The following NARF variants were observed in gnomAD, a reference collection of about 807,000 sequenced individuals.
The protein encoded by NARF is nuclear prelamin A recognition factor, also known as iron-only hydrogenase-like protein 2.
A neutral mutation model predicts 48.0 loss-of-function variants in NARF; 41 were observed. The ratio of observed to expected loss-of-function variants is 0.85; its 90% CI spans 0.66 to 1.11. The LOEUF (loss-of-function observed/expected upper bound fraction) is 1.11. Among genes scored for constraint, NARF ranks in the 50% least tolerant of loss-of-function variants. The probability of loss-of-function intolerance (pLI) is 0.00; values close to 1 mark genes in which losing one functional copy is unlikely to be tolerated. For missense variants in NARF, 613 were observed against 590.2 expected, an observed-to-expected ratio of 1.04 and a Z score of -0.40; for synonymous variants, 215 against 225.5, an observed-to-expected ratio of 0.95 and a Z score of 0.42.
chr17:82,487,957 C>T lies in NARF; in HGVS notation c.1171C>T (p.His391Tyr), dbSNP rs2044133368. 1 of 1,614,234 alleles carries T rather than the reference C, an allele frequency of 6.2e-7. No homozygotes were observed. Among genetic ancestry groups the T allele is most frequent in the African/African-American group, 1.3e-5 (1 of 75,066 alleles). ...AGGCCAAGCCCAGACTCCAGACGGA[C>T]ATGCGGATAAGGCCCTGCTGCGGCA... Reference protein sequence around the residue: ...GRGQAQTPDGHADKALLRQME... With the variant: ...GRGQAQTPDGYADKALLRQME... Residue 391 changes from histidine to tyrosine, a missense_variant, in exon 11 of 11, where the codon CAT (histidine) becomes TAT (tyrosine). His to Tyr is a moderately conservative substitution (Grantham distance 83). Coordinates refer to ENST00000309794, the MANE Select transcript of NARF (RefSeq NM_012336.4).
chr17:82,478,666 TG>T, intron 5 of NARF, 133 bp from the exon 6 acceptor site: 1 of 927,628 alleles, frequency 1.1e-6, no homozygotes, highest in Non-Finnish European at 1.7e-6. Flanking sequence ...CACGAGCTCC[TG>T]GTAAGGCCTG....
At chr17:82,466,297 A>G (rs1484932736) in intron 3 of NARF, among the ~76,000 whole-genome samples, 1 of 152,170 alleles carries the variant, frequency 6.6e-6, no homozygotes, top group Non-Finnish European at 1.5e-5. Context: ...CCCCCCTGAT[A>G]CATAGAGAAT....
At chr17:82,458,690 G>A, upstream of NARF, 2 of 1,351,868 alleles carry the variant, frequency 1.5e-6, no homozygotes, top group Non-Finnish European at 1.9e-6. Flanking sequence ...CGTTGGGGGT[G>A]AGGCCGCGTC....
chr17:82,487,882 G>T, intron 10 of NARF, 34 bp from the exon 11 acceptor site: 3 of 1,609,310 alleles, frequency 1.9e-6, no homozygotes, highest in Non-Finnish European at 2.6e-6. Context: ...GATCGCCTGA[G>T]CCCAGGATAA....
chr17:82,485,208 T>G (rs1599855948), intron 9 of NARF, among the ~76,000 whole-genome samples: 1 of 152,042 alleles, frequency 6.6e-6, no homozygotes, highest in Non-Finnish European at 1.5e-5. Flanking sequence ...GATCATGAGG[T>G]CAGGAGATCG....
intron 1 of NARF, 196 bp downstream of exon 1, chr17:82,459,026 T>A: frequency 3.3e-6 from 4 of 1,208,428 alleles, no homozygotes; most frequent in Non-Finnish European, 2.1e-6. Context: ...GCGGGTTCGG[T>A]CTTCGCGGTT....
rs2143979912 is a variant in NARF, at chr17:82,488,161, C to G, written c.*4C>G. The G allele has an allele frequency of 6.2e-7, 1 of 1,611,084 alleles. No homozygotes were observed. Among genetic ancestry groups the G allele is most frequent in the East Asian group, 2.2e-5 (1 of 44,796 alleles). The stretch of plus-strand genomic sequence containing the variant: ...CAGCCTGGACATCAAGTGGTGAAGT[C>G]AGGCCAGGGCCTTCCAGCTGCTCTT... On this transcript the variant is annotated 3_prime_UTR_variant, in exon 11 of 11. Coordinates refer to ENST00000309794, the MANE Select transcript of NARF (RefSeq NM_012336.4).
rs553950747 is a variant in NARF at position 82,472,416 on chromosome 17, G to A, written c.386-148G>A. 6.9e-5 allele frequency: 52 copies of A among 756,726 alleles called. 1 individual carries two copies. Among genetic ancestry groups the A allele is most frequent in the Middle Eastern group, 4.0e-4 (1 of 2,472 alleles). 46.9% of individuals were successfully genotyped at this position (756,726 alleles called of 1,614,324 possible). ...GGAGGATCACTTGAACCTGGGAGGC[G>A]GAGGTTGCAGTGAGCCGAGATTATG... On this transcript the variant is annotated intron_variant, in intron 4 of 10. Transcript: ENST00000309794.
At chr17:82,477,061 G>A (rs2043849350) in intron 5 of NARF, 1 of 152,160 alleles carries the variant, frequency 6.6e-6, no homozygotes, top group South Asian at 2.1e-4. Context: ...ATCTTACTTT[G>A]TTGCCCACGC....
At chr17:82,482,284 C>A in intron 7 of NARF, 1 of 416,834 alleles carries the variant, frequency 2.4e-6, no homozygotes, top group Non-Finnish European at 4.7e-6. Flanking sequence ...GGAAAGGTCC[C>A]CACCCCATAG....
chr17:82,478,680 GA>G, intron 5 of NARF, 119 bp from the exon 6 acceptor site: 10 of 1,042,888 alleles, frequency 9.6e-6, no homozygotes, highest in Non-Finnish European at 1.2e-5. Context: ...AAGGCCTGGG[GA>G]AAAGGTGTTC....
At chr17:82,475,773 G>A (rs1275657520) in intron 5 of NARF, among the ~76,000 whole-genome samples, 5 of 152,138 alleles carry the variant, frequency 3.3e-5, no homozygotes, top group Non-Finnish European at 7.4e-5. Flanking sequence ...TGCCACAGGC[G>A]GAGGGATCAC....
chr17:82,458,803 G>A lies in NARF; in HGVS notation c.-1G>A. 2 of 1,459,018 alleles carry A rather than the reference G, an allele frequency of 1.4e-6. No individual in the cohort carries two copies. The highest frequency in any genetic ancestry group is 1.8e-6 in the Non-Finnish European group (2 of 1,112,600). The allele number at this position is 1,459,018 out of a possible 1,614,324, so 90.4% of individuals were successfully genotyped here. A position where few individuals can be genotyped will look rare whatever the true frequency, so the allele number is the denominator to read the frequency against. On this transcript the variant is annotated 5_prime_UTR_variant, in exon 1 of 11. Coordinates refer to ENST00000309794, the MANE Select transcript of NARF (RefSeq NM_012336.4). ...CCGGCCTCCCGCCCGCCGCGCTCCAGATGAAGTGTGAGCACTGCACGCGCA... is the reference window on the plus strand; with the variant it reads ...CCGGCCTCCCGCCCGCCGCGCTCCAAATGAAGTGTGAGCACTGCACGCGCA...
At chr17:82,465,482 C>T (rs954284008) in intron 3 of NARF, among the ~76,000 whole-genome samples, 3 of 152,160 alleles carry the variant, frequency 2.0e-5, no homozygotes, top group Non-Finnish European at 4.4e-5. Flanking sequence ...CTGACTGGCA[C>T]AAGTGGGTGG....
intron 2 of NARF, 63 bp from the exon 3 acceptor site, chr17:82,464,224 C>T: frequency 6.4e-7 from 1 of 1,572,416 alleles, no homozygotes; most frequent in Non-Finnish European, 8.7e-7. Context: ...GTGTTACCCT[C>T]TCTAAAGAAG....
chr17:82,477,459 G>A (rs936141757), intron 5 of NARF, among the ~76,000 whole-genome samples: 3 of 151,950 alleles, frequency 2.0e-5, no homozygotes, highest in African/African-American at 4.8e-5. Context: ...AGCCAAGATC[G>A]TGTGACTGCA....
In NARF at chr17:82,489,868, C is replaced by G. The variant is rs965343830; in HGVS notation, c.*1711C>G. 2.6e-5 allele frequency: 4 copies of G among 151,812 alleles called. No homozygotes were observed. Among genetic ancestry groups the G allele is most frequent in the Non-Finnish European group, 5.9e-5 (4 of 68,006 alleles). The allele number at this position is 151,812 out of a possible 1,614,324, so 9.4% of individuals were successfully genotyped here. On this transcript the variant is annotated 3_prime_UTR_variant, in exon 11 of 11. Coordinates refer to ENST00000309794, the MANE Select transcript of NARF (RefSeq NM_012336.4). ...TTTGAGACAGAGTCTCACTTTGTCA[C>G]CCAGGCTGGAGTTCAGTGGCGTGAT...
intron 4 of NARF, among the ~76,000 whole-genome samples, chr17:82,471,608 C>T (rs1161745818): frequency 7.4e-5 from 11 of 148,190 alleles, no homozygotes; most frequent in East Asian, 4.1e-4. Flanking sequence ...CTGGCTAACA[C>T]GGTGAAACCC....
chr17:82,477,834 G>C (rs2043869236), intron 5 of NARF: 1 of 152,272 alleles, frequency 6.6e-6, no homozygotes, highest in Admixed American at 6.5e-5. Context: ...TCTCTCTGTG[G>C]CTGCTTCTGT....
Sources: gnomAD v4.1 joint callset for allele counts (sites outside exome capture counted in the v4.1 genomes callset) on GRCh38, gnomAD v4.1.1 for gene constraint, MANE v1.5 for transcripts, NCBI Gene and HGNC (gene_info 2026-07-23, HGNC 2026-07-21) for gene names.